HOMER2: variants seen among roughly 807,000 people sequenced by gnomAD.
The protein encoded by HOMER2 is homer protein homolog 2.
HOMER2 carries 27 observed loss-of-function variants against 47.0 expected under a neutral mutation model. The ratio of observed to expected loss-of-function variants is 0.57; its 90% CI spans 0.42 to 0.79. The LOEUF (loss-of-function observed/expected upper bound fraction) is 0.79. Among genes scored for constraint, HOMER2 ranks in the 30% least tolerant of loss-of-function variants. The pLI is 0.00. For missense variants in HOMER2, 443 were observed against 435.0 expected, an observed-to-expected ratio of 1.02 and a Z score of -0.16; for synonymous variants, 161 against 163.8, an observed-to-expected ratio of 0.98 and a Z score of 0.13.
chr15:82,950,916 G>A (rs771930967), intron 1 of HOMER2, among the ~76,000 whole-genome samples: 66 of 152,264 alleles, frequency 4.3e-4, no homozygotes, highest in African/African-American at 1.4e-3. Flanking sequence ...ACACAAGTAC[G>A]GTGGATTGGT....
At chr15:82,903,923 C>T (rs1160613791) in intron 1 of HOMER2, among the ~76,000 whole-genome samples, 2 of 152,066 alleles carry the variant, frequency 1.3e-5, no homozygotes, top group Non-Finnish European at 2.9e-5. Flanking sequence ...GATCAGTTGA[C>T]GCCAGGAGTT....
rs191149180 is a variant in HOMER2, at chr15:82,880,203, T to C, written c.163-4799A>G. Among the ~76,000 whole-genome samples the C allele has an allele frequency of 3.9e-5, 6 of 152,374 alleles. No homozygotes were observed. The East Asian group carries it at 9.6e-4, about 24-fold the overall frequency. ...GCCCATTCATTTACATATTGGTCTATGGCTGCTTTCTGGCTACAAAAGAGT... is the reference window on the plus strand; with the variant it reads ...GCCCATTCATTTACATATTGGTCTACGGCTGCTTTCTGGCTACAAAAGAGT... On this transcript the variant is annotated intron_variant, in intron 2 of 8. Coordinates refer to ENST00000450735, the MANE Select transcript of HOMER2 (RefSeq NM_004839.4).
At chr15:82,864,915 T>C (rs1268307421) in intron 3 of HOMER2, among the ~76,000 whole-genome samples, 1 of 152,230 alleles carries the variant, frequency 6.6e-6, no homozygotes, top group Non-Finnish European at 1.5e-5. Flanking sequence ...CCTGTGATAA[T>C]GGTGGTATTA....
At chr15:82,929,532 T>G (rs768379451) in intron 1 of HOMER2, among the ~76,000 whole-genome samples, 13 of 151,068 alleles carry the variant, frequency 8.6e-5, no homozygotes, top group Non-Finnish European at 1.9e-4. Context: ...GGTACACACC[T>G]GTAATCCCAG....
intron 1 of HOMER2, among the ~76,000 whole-genome samples, chr15:82,942,112 C>A (rs1478543944): frequency 6.6e-6 from 1 of 152,180 alleles, no homozygotes; most frequent in Non-Finnish European, 1.5e-5. Context: ...TTGGATGTCA[C>A]CTCCTTCAGG....
At chr15:82,965,409 T>C (rs1455132824) in intron 1 of HOMER2, among the ~76,000 whole-genome samples, 1 of 152,226 alleles carries the variant, frequency 6.6e-6, no homozygotes, top group Admixed American at 6.5e-5. Flanking sequence ...TAAAAGATAC[T>C]GTTACCCAAA....
chr15:82,903,641 C>G (rs962740956), intron 1 of HOMER2, among the ~76,000 whole-genome samples: 1 of 151,316 alleles, frequency 6.6e-6, no homozygotes, highest in East Asian at 2.0e-4. Flanking sequence ...CACACGGCAA[C>G]AAGAGCGAAA....
At chr15:82,959,180 A>G (rs1017669782) in exon 2 of HOMER2, 2 of 152,366 alleles carry the variant, frequency 1.3e-5, no homozygotes, top group Non-Finnish European at 2.9e-5. Context: ...GCCTTGGGGC[A>G]CAGGCCGATT....
chr15:82,874,614 T>G (rs972546629), intron 3 of HOMER2, among the ~76,000 whole-genome samples: 1 of 152,004 alleles, frequency 6.6e-6, no homozygotes. Flanking sequence ...GAGCTATGAA[T>G]CCTCTCCCTA....
chr15:82,895,846 T>TA (rs2052893037), intron 1 of HOMER2, among the ~76,000 whole-genome samples: 1 of 152,198 alleles, frequency 6.6e-6, no homozygotes, highest in African/African-American at 2.4e-5. Flanking sequence ...GGCCCCATCC[T>TA]AGCCCCCCTT....
At chr15:82,851,323 G>A (rs2051387699) in intron 7 of HOMER2, 92 bp from the exon 8 acceptor site, 2 of 840,926 alleles carry the variant, frequency 2.4e-6, no homozygotes, top group African/African-American at 1.7e-5. Flanking sequence ...CGTGGAAGCA[G>A]CTTTGGGACC....
At chr15:82,852,425 G>T (rs1313516358) in intron 6 of HOMER2, 173 bp from the exon 7 acceptor site, 1 of 566,058 alleles carries the variant, frequency 1.8e-6, no homozygotes, top group African/African-American at 1.9e-5. Context: ...TCATGGGGCT[G>T]CCTGCACCGC....
intron 1 of HOMER2, among the ~76,000 whole-genome samples, chr15:82,930,591 T>C (rs1383578112): frequency 1.3e-5 from 2 of 152,194 alleles, no homozygotes; most frequent in African/African-American, 4.8e-5. Context: ...ACTATAGTTG[T>C]TGGGAGGATA....
chr15:82,931,596 TG>T (rs1423952718), intron 1 of HOMER2, among the ~76,000 whole-genome samples: 1 of 150,310 alleles, frequency 6.7e-6, no homozygotes, highest in Non-Finnish European at 1.5e-5. Flanking sequence ...CCCAGCACTT[TG>T]GGAGGCCGAG....
At chr15:82,955,982 G>C (rs751705551), upstream of HOMER2, among the ~76,000 whole-genome samples, 8 of 152,116 alleles carry the variant, frequency 5.3e-5, no homozygotes, top group Non-Finnish European at 1.2e-4. Flanking sequence ...GCTCATGACT[G>C]TAGTCCCAGC....
chr15:82,890,296 C>T (rs765302201), intron 2 of HOMER2, among the ~76,000 whole-genome samples: 2 of 152,072 alleles, frequency 1.3e-5, no homozygotes, highest in Non-Finnish European at 2.9e-5. Flanking sequence ...GAGCTGAGAT[C>T]GTGCCACTGC....
intron 1 of HOMER2, among the ~76,000 whole-genome samples, chr15:82,931,824 C>T (rs986031132): frequency 3.3e-5 from 5 of 152,102 alleles, no homozygotes; most frequent in South Asian, 2.1e-4. Context: ...GGCGACAGAG[C>T]GAGACTCCGT....
intron 1 of HOMER2, among the ~76,000 whole-genome samples, chr15:82,949,874 A>T (rs2054468874): frequency 6.6e-6 from 1 of 152,222 alleles, no homozygotes; most frequent in Non-Finnish European, 1.5e-5. Context: ...GAACATTTCC[A>T]GCAGTGCAGA....
At chr15:82,872,027 C>T (rs77696725) in intron 3 of HOMER2, among the ~76,000 whole-genome samples, 72 of 152,260 alleles carry the variant, frequency 4.7e-4, no homozygotes, top group African/African-American at 1.3e-3. Context: ...ATGACCAGGA[C>T]GGGCCTGCCA....
Sources: allele counts gnomAD v4.1 joint callset (sites outside exome capture counted in the v4.1 genomes callset), GRCh38; gene constraint gnomAD v4.1.1; transcripts MANE v1.5; gene names NCBI Gene and HGNC (gene_info 2026-07-23, HGNC 2026-07-21).